PTPRT: variants seen among roughly 807,000 people sequenced by gnomAD.
PTPRT encodes the protein protein tyrosine phosphatase receptor type T.
In PTPRT, 56 loss-of-function variants were observed where a neutral mutation model predicts 176.8. The ratio of observed to expected loss-of-function variants is 0.32; its 90% CI spans 0.26 to 0.40. The LOEUF is 0.40. PTPRT is among the 10% of genes least tolerant of loss of function. The pLI, the probability that PTPRT is intolerant of heterozygous loss-of-function variation, is 1.00. For missense variants in PTPRT, 1,540 were observed against 1,908.2 expected, an observed-to-expected ratio of 0.81 and a Z score of 3.60; for synonymous variants, 783 against 739.0, an observed-to-expected ratio of 1.06 and a Z score of -0.96.
At chr20:42,666,769 C>T (rs1005486810) in intron 7 of PTPRT, among the ~76,000 whole-genome samples, 2 of 152,180 alleles carry the variant, frequency 1.3e-5, no homozygotes, top group Admixed American at 6.5e-5. Flanking sequence ...AGTGTTTATA[C>T]TGTAATTACA....
chr20:42,844,395 G>A (rs6130238), intron 2 of PTPRT, among the ~76,000 whole-genome samples: 17,559 of 152,130 alleles, frequency 0.12, 1,284 homozygotes, highest in East Asian at 0.33. Flanking sequence ...AGCTCCCACC[G>A]CCATAGCATC....
chr20:42,818,329 C>T (rs2077827065), intron 2 of PTPRT, among the ~76,000 whole-genome samples: 1 of 151,488 alleles, frequency 6.6e-6, no homozygotes, highest in Non-Finnish European at 1.5e-5. Flanking sequence ...AAAGTGACAA[C>T]AACAGCATCA....
At chr20:42,722,676 A>T (rs770763262) in intron 6 of PTPRT, among the ~76,000 whole-genome samples, 9 of 152,140 alleles carry the variant, frequency 5.9e-5, no homozygotes, top group Admixed American at 1.3e-4. Context: ...AACCCTCCAC[A>T]ATGCCAGAGA....
At chr20:43,034,647 T>TTA (rs1568745110) in intron 1 of PTPRT, among the ~76,000 whole-genome samples, 1 of 135,988 alleles carries the variant, frequency 7.4e-6, no homozygotes, top group African/African-American at 3.4e-5. Context: ...GTTTTTGCCA[T>TTA]AAAAACAGCA....
chr20:43,137,021 C>T (rs2013853607), intron 1 of PTPRT, among the ~76,000 whole-genome samples: 2 of 152,130 alleles, frequency 1.3e-5, no homozygotes, highest in Admixed American at 1.3e-4. Flanking sequence ...TTCTAGAATC[C>T]AGGCTAACTT....
chr20:42,282,522 T>A lies in PTPRT; in HGVS notation c.2143A>T (p.Thr715Ser). The change falls in exon 13 of 31, where the codon ACC becomes TCC. Residue 715 changes from threonine to serine, a missense_variant. Thr to Ser is a moderately conservative substitution (Grantham distance 58). Around this residue, in one of 11 missense-constraint regions of PTPRT, gnomAD observed 255 missense variants for 250.1 expected, o/e 1.02. Coordinates refer to ENST00000373187, the MANE Select transcript of PTPRT (RefSeq NM_007050.6). The part of the protein sequence containing the change: ...FQALSKANGE[T>S]KINCVRLATK... ...GCCAGACGAACACAGTTGATTTTGG[T>A]CTCCTGTGAACAACAAAAATGAGAT... The A allele has an allele frequency of 2.5e-6, 4 of 1,610,304 alleles. No individual in the cohort carries two copies. The highest frequency in any genetic ancestry group is 3.4e-6 in the Non-Finnish European group (4 of 1,177,834).
intron 2 of PTPRT, among the ~76,000 whole-genome samples, chr20:42,850,126 A>C (rs922452776): frequency 6.6e-6 from 1 of 152,160 alleles, no homozygotes; most frequent in Non-Finnish European, 1.5e-5. Flanking sequence ...ATTTTCTCCT[A>C]ATCAAAGCAA....
At chr20:43,055,230 G>A (rs1403448663) in intron 1 of PTPRT, among the ~76,000 whole-genome samples, 1 of 152,124 alleles carries the variant, frequency 6.6e-6, no homozygotes, top group African/African-American at 2.4e-5. Context: ...ATTCATTGCT[G>A]AACTACTCTG....
intron 18 of PTPRT, among the ~76,000 whole-genome samples, chr20:42,131,035 C>T (rs191275630): frequency 6.6e-5 from 10 of 152,252 alleles, no homozygotes; most frequent in South Asian, 2.1e-4. Context: ...TCCGAAGTTA[C>T]GCATCATGTG....
intron 1 of PTPRT, among the ~76,000 whole-genome samples, chr20:43,173,445 C>T (rs941426635): frequency 6.6e-6 from 1 of 152,236 alleles, no homozygotes; most frequent in Non-Finnish European, 1.5e-5. Context: ...ATGCATCCTA[C>T]AAATGCAAAA....
At chr20:42,898,169 G>A (rs145263332) in intron 1 of PTPRT, among the ~76,000 whole-genome samples, 7 of 152,220 alleles carry the variant, frequency 4.6e-5, no homozygotes, top group South Asian at 2.1e-4. Context: ...ATTTCTCCAT[G>A]TGTGACAGAA....
chr20:42,227,518 C>A (rs6030066), intron 15 of PTPRT, among the ~76,000 whole-genome samples: 5,656 of 151,382 alleles, frequency 0.037, 354 homozygotes, highest in African/African-American at 0.13. Context: ...TACAAAAACT[C>A]TAAAAAGCTT....
chr20:42,550,812 A>T (rs1053047381), intron 7 of PTPRT, among the ~76,000 whole-genome samples: 3 of 152,204 alleles, frequency 2.0e-5, no homozygotes, highest in Admixed American at 2.0e-4. Context: ...AGCATGATGC[A>T]CTATGTATCT....
intron 7 of PTPRT, among the ~76,000 whole-genome samples, chr20:42,675,401 G>GTTTTA (rs2075485023): frequency 1.3e-5 from 2 of 152,104 alleles, no homozygotes; most frequent in East Asian, 3.8e-4. Flanking sequence ...TATATATATC[G>GTTTTA]TAGGCAATCT....
intron 7 of PTPRT, among the ~76,000 whole-genome samples, chr20:42,525,377 G>C (rs953282986): frequency 1.3e-5 from 2 of 152,096 alleles, no homozygotes; most frequent in Non-Finnish European, 2.9e-5. Context: ...GCTTTATTCA[G>C]GGTGGAGCCT....
intron 7 of PTPRT, among the ~76,000 whole-genome samples, chr20:42,501,744 G>C (rs1249654428): frequency 6.6e-6 from 1 of 152,126 alleles, no homozygotes; most frequent in Non-Finnish European, 1.5e-5. Flanking sequence ...CTGTCAAACA[G>C]TTTTTAAAAG....
chr20:42,084,773 AG>A lies in PTPRT; in HGVS notation c.4044del (p.Ser1349ProfsTer31). 7.1e-6 allele frequency: 11 copies of A among 1,560,118 alleles called. No individual in the cohort carries two copies. Among genetic ancestry groups the A allele is most frequent in the South Asian group, 2.5e-5 (2 of 79,096 alleles). ...ACCACTTTGAGCAGAGAGCGCTTGG[AG>A]GGGGGCGTGTCCCGGTAGGCAGGCC... ...IGWPAYRDTP[P>X]SKRSLLKVVR... On this transcript the variant is annotated frameshift_variant, in exon 29 of 31. Transcript: ENST00000373187. LOFTEE classifies it high-confidence loss of function.
intron 7 of PTPRT, among the ~76,000 whole-genome samples, chr20:42,521,339 T>G (rs2072172568): frequency 6.6e-6 from 1 of 152,190 alleles, no homozygotes; most frequent in Admixed American, 6.5e-5. Flanking sequence ...ATCCTGGTTC[T>G]CACGGAGATA....
chr20:42,205,108 T>C lies in PTPRT; in HGVS notation c.2343-5720A>G, dbSNP rs1250552281. Among the ~76,000 whole-genome samples the C allele has an allele frequency of 5.4e-5, 8 of 148,262 alleles. No homozygotes were observed. In the East Asian group the frequency reaches 1.5e-3, roughly 27 times the overall value. On this transcript the variant is annotated intron_variant, in intron 15 of 30. Transcript: ENST00000373187. The stretch of plus-strand genomic sequence containing the variant: ...GGGGGAGGGATAGCATTAGGAGATA[T>C]ACCTAATGTTAAATGACGAGTTAAT...
Sources: gnomAD v4.1 joint callset for allele counts (sites outside exome capture counted in the v4.1 genomes callset) on GRCh38, gnomAD v4.1.1 for gene constraint, gnomAD v4.1.1 regional missense constraint, MANE v1.5 for transcripts, NCBI Gene and HGNC (gene_info 2026-07-23, HGNC 2026-07-21) for gene names.